Variants in NKAIN3 observed in about 807,000 individuals in gnomAD.
The protein encoded by NKAIN3 is sodium/potassium transporting ATPase interacting 3, also known as sodium/potassium-transporting ATPase subunit beta-1-interacting protein 3.
A neutral mutation model predicts 30.2 loss-of-function variants in NKAIN3; 25 were observed. That is an observed-to-expected ratio of 0.83 (90% CI 0.60 to 1.16). NKAIN3 has a LOEUF of 1.16. NKAIN3 is among the 50% of genes most tolerant of loss of function. NKAIN3 has a pLI of 0.00. For synonymous variants in NKAIN3, 91 were observed against 89.6 expected, an observed-to-expected ratio of 1.02 and a Z score of -0.09; for missense variants, 225 against 254.1, an observed-to-expected ratio of 0.89 and a Z score of 0.78.
At position 62,313,532 on chromosome 8, in the gene NKAIN3, G is replaced by A. The variant is rs185256867; in HGVS notation, c.54+64405G>A. Among the ~76,000 whole-genome samples, 11 of 152,224 alleles carry A rather than the reference G, an allele frequency of 7.2e-5. No individual in the cohort carries two copies. In the East Asian group the frequency reaches 2.1e-3, roughly 29 times the overall value. On this transcript the variant is annotated intron_variant, in intron 1 of 6. Transcript: ENST00000623646. ...TTGGAATGTTTTCTTAGAAGAGCAAGTACTCAGGGCATAAATGTCAGCAAT... is the reference window on the plus strand; with the variant it reads ...TTGGAATGTTTTCTTAGAAGAGCAAATACTCAGGGCATAAATGTCAGCAAT...
chr8:62,688,741 GACACAC>G (rs375008096), intron 3 of NKAIN3, among the ~76,000 whole-genome samples: 9,490 of 116,452 alleles, frequency 0.081, 624 homozygotes, highest in African/African-American at 0.19. Flanking sequence ...CAGACAGACA[GACACAC>G]ACACACACAC....
intron 1 of NKAIN3, among the ~76,000 whole-genome samples, chr8:62,251,342 G>A (rs906084728): frequency 6.6e-6 from 1 of 152,018 alleles, no homozygotes; most frequent in African/African-American, 2.4e-5. Context: ...TGTAAAAGAT[G>A]TGTAGCTCTC....
At chr8:62,251,947 G>A (rs1013468366) in intron 1 of NKAIN3, among the ~76,000 whole-genome samples, 1 of 152,120 alleles carries the variant, frequency 6.6e-6, no homozygotes, top group African/African-American at 2.4e-5. Flanking sequence ...GTTTTTAGTA[G>A]GATTTCTTTA....
intron 3 of NKAIN3, among the ~76,000 whole-genome samples, chr8:62,649,513 T>G (rs2130325564): frequency 6.6e-6 from 1 of 152,292 alleles, no homozygotes; most frequent in African/African-American, 2.4e-5. Flanking sequence ...AGAGTTGTTT[T>G]TCTGTCATTT....
At chr8:62,688,611 A>G (rs1281385693) in intron 3 of NKAIN3, among the ~76,000 whole-genome samples, 2 of 152,200 alleles carry the variant, frequency 1.3e-5, no homozygotes, top group African/African-American at 4.8e-5. Flanking sequence ...CAGTATAAAC[A>G]TTGAATTACT....
At chr8:62,602,518 G>T (rs1014852348) in intron 3 of NKAIN3, among the ~76,000 whole-genome samples, 1 of 151,930 alleles carries the variant, frequency 6.6e-6, no homozygotes, top group African/African-American at 2.4e-5. Context: ...CCCTCTTTCT[G>T]TTTCATAAAA....
At chr8:62,712,221 G>C (rs891733497) in intron 3 of NKAIN3, among the ~76,000 whole-genome samples, 30 of 152,144 alleles carry the variant, frequency 2.0e-4, no homozygotes, top group African/African-American at 7.0e-4. Context: ...GGCCTCCTGC[G>C]AGGAGGTGGC....
At chr8:62,456,312 G>A (rs1413085838) in intron 1 of NKAIN3, among the ~76,000 whole-genome samples, 1 of 152,058 alleles carries the variant, frequency 6.6e-6, no homozygotes, top group Non-Finnish European at 1.5e-5. Context: ...ACGAGGTCAG[G>A]AGATCGAGAC....
At chr8:62,579,983 G>A (rs1291090560) in intron 2 of NKAIN3, among the ~76,000 whole-genome samples, 1 of 152,116 alleles carries the variant, frequency 6.6e-6, no homozygotes, top group African/African-American at 2.4e-5. Context: ...TCTGCTTGTA[G>A]TCTTGGTAAT....
intron 1 of NKAIN3, among the ~76,000 whole-genome samples, chr8:62,440,580 C>T (rs925599986): frequency 8.5e-5 from 13 of 152,112 alleles, no homozygotes; most frequent in South Asian, 8.3e-4. Flanking sequence ...AGTGTCCCTG[C>T]GACCTGTGTA....
chr8:62,760,023 G>A (rs1482485888), intron 4 of NKAIN3, among the ~76,000 whole-genome samples: 2 of 150,928 alleles, frequency 1.3e-5, no homozygotes, highest in African/African-American at 4.9e-5. Flanking sequence ...ACACATGAAA[G>A]AATGCTCATC....
chr8:62,308,603 A>G (rs1181358582), intron 1 of NKAIN3, among the ~76,000 whole-genome samples: 1 of 150,524 alleles, frequency 6.6e-6, no homozygotes, highest in Non-Finnish European at 1.5e-5. Context: ...GAGTAGTTGC[A>G]TTCTGCATGG....
chr8:62,594,741 T>TA (rs554889918), intron 3 of NKAIN3, among the ~76,000 whole-genome samples: 465 of 152,106 alleles, frequency 3.1e-3, no homozygotes, highest in African/African-American at 0.01. Flanking sequence ...CTACTGGAAA[T>TA]AGACAATGAC....
At chr8:62,278,380 TG>T (rs1371383334) in intron 1 of NKAIN3, among the ~76,000 whole-genome samples, 1 of 94,246 alleles carries the variant, frequency 1.1e-5, no homozygotes, top group Non-Finnish European at 2.5e-5. Flanking sequence ...ATCCTACTGC[TG>T]GTTTTTTTTT....
chr8:62,284,774 T>C (rs1429643704), intron 1 of NKAIN3, among the ~76,000 whole-genome samples: 2 of 152,022 alleles, frequency 1.3e-5, no homozygotes, highest in African/African-American at 4.8e-5. Flanking sequence ...TGTGGTGTAA[T>C]TGAGATGCAA....
intron 3 of NKAIN3, among the ~76,000 whole-genome samples, chr8:62,728,154 T>C (rs961343617): frequency 5.3e-5 from 8 of 151,984 alleles, no homozygotes; most frequent in African/African-American, 1.9e-4. Context: ...TCAAAAGAAA[T>C]AACTCAAAAT....
At chr8:62,479,652 G>A (rs1427504033) in intron 1 of NKAIN3, among the ~76,000 whole-genome samples, 1 of 152,130 alleles carries the variant, frequency 6.6e-6, no homozygotes, top group African/African-American at 2.4e-5. Context: ...AGAAACACTG[G>A]ATGTGCCCAA....
At position 62,983,428 on chromosome 8, in the gene NKAIN3, CA is replaced by C. The variant is rs553860250; in HGVS notation, c.*18023del. The C allele has an allele frequency of 5.1e-4, 78 of 152,292 alleles. No individual in the cohort carries two copies. Among genetic ancestry groups the C allele is most frequent in the African/African-American group, 1.8e-3 (73 of 41,544 alleles). 9.4% of individuals were successfully genotyped at this position (152,292 alleles called of 1,614,324 possible). ...CCCAGGATGAAGGAGAGCCCATTTGCAACCCTCTTCTGTCTCCCTAAGCATT... is the reference window on the plus strand; with the variant it reads ...CCCAGGATGAAGGAGAGCCCATTTGCACCCTCTTCTGTCTCCCTAAGCATT... On this transcript the variant is annotated 3_prime_UTR_variant, in exon 7 of 7. Coordinates refer to ENST00000623646, the MANE Select transcript of NKAIN3 (RefSeq NM_001304533.3).
chr8:62,800,139 T>G (rs1474987674), intron 4 of NKAIN3, among the ~76,000 whole-genome samples: 1 of 152,034 alleles, frequency 6.6e-6, no homozygotes, highest in East Asian at 1.9e-4. Flanking sequence ...ATCTCATAAA[T>G]CACCACTAAA....
Sources: allele counts gnomAD v4.1 joint callset (sites outside exome capture counted in the v4.1 genomes callset), GRCh38; gene constraint gnomAD v4.1.1; transcripts MANE v1.5; gene names NCBI Gene and HGNC (gene_info 2026-07-23, HGNC 2026-07-21).